The following ZNF536 variants were observed in gnomAD, a reference collection of about 807,000 sequenced individuals.
The protein encoded by ZNF536 is zinc finger protein 536.
A neutral mutation model predicts 84.5 loss-of-function variants in ZNF536; 13 were observed. The ratio of observed to expected loss-of-function variants is 0.15; its 90% CI spans 0.10 to 0.24. The LOEUF is 0.24. Ranked by LOEUF, ZNF536 falls within the 10% of genes least tolerant of loss-of-function variation. The pLI, the probability that ZNF536 is intolerant of heterozygous loss-of-function variation, is 1.00. For synonymous variants in ZNF536, 811 were observed against 742.5 expected, an observed-to-expected ratio of 1.09 and a Z score of -1.50; for missense variants, 1,536 against 1,747.5, an observed-to-expected ratio of 0.88 and a Z score of 2.16.
At chr19:30,261,429 T>C (rs991688922) in intron 1 of ZNF536, among the ~76,000 whole-genome samples, 2 of 151,544 alleles carry the variant, frequency 1.3e-5, no homozygotes, top group Non-Finnish European at 2.9e-5. Context: ...CGGTGGCTCA[T>C]GCCTGTAGGT....
At position 30,548,783 on chromosome 19, in the gene ZNF536, C is replaced by T. The variant is rs778040780; in HGVS notation, c.3164C>T (p.Pro1055Leu). Residue 1055 changes from proline (P) to leucine (L), a missense_variant, in exon 4 of 5, where the codon CCC (proline) becomes CTC (leucine). Around this residue, in one of 8 missense-constraint regions of ZNF536, gnomAD observed 624 missense variants for 603.1 expected, o/e 1.03. Transcript: ENST00000355537. ...GAGGCGAGTAAGATGGCCCTGCTGC[C>T]CTCGTTACAATCAAACAAAGACCTG... ...AREASKMALL[P>L]SLQSNKDLGL... is the part of the protein sequence containing the mutation. The T allele has an allele frequency of 6.2e-7, 1 of 1,613,774 alleles. No individual in the cohort carries two copies. The highest frequency in any genetic ancestry group is 1.3e-5 in the African/African-American group (1 of 74,920).
intron 2 of ZNF536, among the ~76,000 whole-genome samples, chr19:30,477,213 T>C (rs984861989): frequency 1.3e-5 from 2 of 152,224 alleles, no homozygotes; most frequent in Non-Finnish European, 2.9e-5. Context: ...CTTATGTATT[T>C]AACTATTTGG....
Position 30,436,079 on chromosome 19 carries a change from A to G in ZNF536, c.-2-7482A>G, listed in dbSNP as rs577089746. ...TGGAAGCTGCCTGGGGCTCCATGGG[A>G]CCACATATTAAGCCAGCCCAGCCAA... On this transcript the variant is annotated intron_variant, in intron 1 of 4. Transcript: ENST00000355537. Among the ~76,000 whole-genome samples the G allele has an allele frequency of 4.2e-3, 642 of 152,252 alleles. 5 individuals are homozygous for G. The highest frequency in any genetic ancestry group is 0.015 in the African/African-American group (614 of 41,550).
At chr19:30,229,480 G>C (rs2022850524) in intron 1 of ZNF536, among the ~76,000 whole-genome samples, 1 of 152,178 alleles carries the variant, frequency 6.6e-6, no homozygotes, top group South Asian at 2.1e-4. Flanking sequence ...GATTTGCTTG[G>C]GGGAAGACTA....
intron 1 of ZNF536, among the ~76,000 whole-genome samples, chr19:30,410,595 C>T (rs2050446426): frequency 6.6e-6 from 1 of 151,698 alleles, no homozygotes. Flanking sequence ...CTGCCTCAGC[C>T]TCCCGCGTAG....
intron 1 of ZNF536, among the ~76,000 whole-genome samples, chr19:30,565,102 T>C (rs1469337488): frequency 3.3e-5 from 5 of 152,142 alleles, no homozygotes; most frequent in African/African-American, 1.2e-4. Context: ...GGTGACCATC[T>C]GCTCCTCTTT....
At chr19:30,352,380 C>T (rs995727163) in exon 3 of ZNF536, 1 of 152,240 alleles carries the variant, frequency 6.6e-6, no homozygotes, top group African/African-American at 2.4e-5. Flanking sequence ...AACGGGGACG[C>T]CCCCTCTTGC....
At chr19:30,397,119 A>G (rs1284215013) in intron 1 of ZNF536, among the ~76,000 whole-genome samples, 1 of 152,166 alleles carries the variant, frequency 6.6e-6, no homozygotes, top group Admixed American at 6.5e-5. Flanking sequence ...TGGGGTGACA[A>G]TGGTTGTGGC....
chr19:30,228,060 G>T (rs754016532), upstream of ZNF536, among the ~76,000 whole-genome samples: 15 of 151,998 alleles, frequency 9.9e-5, no homozygotes, highest in Non-Finnish European at 1.8e-4. The surrounding 1 kb of genome is among the most constrained non-coding windows in gnomAD (Gnocchi z 4.5). Context: ...GTGTATGTGC[G>T]TGCGTGTGTG....
At chr19:30,532,739 A>T (rs1319921600) in intron 2 of ZNF536, among the ~76,000 whole-genome samples, 1 of 152,186 alleles carries the variant, frequency 6.6e-6, no homozygotes, top group East Asian at 1.9e-4. Flanking sequence ...CCACTGTCTA[A>T]AGCTAGGGTA....
At chr19:30,523,421 G>A (rs2044447282) in intron 2 of ZNF536, among the ~76,000 whole-genome samples, 1 of 152,148 alleles carries the variant, frequency 6.6e-6, no homozygotes, top group African/African-American at 2.4e-5. Flanking sequence ...CCTCAGAGAG[G>A]TTATGTAATT....
At chr19:30,234,332 G>C (rs1048198491) in intron 1 of ZNF536, among the ~76,000 whole-genome samples, 2 of 151,232 alleles carry the variant, frequency 1.3e-5, no homozygotes, top group Admixed American at 6.6e-5. Context: ...TCTTCAGCTG[G>C]ATGCTGGGAG....
Position 30,387,733 on chromosome 19 carries a change from G to A in ZNF536, c.-3+15177G>A, listed in dbSNP as rs538019212. Among the ~76,000 whole-genome samples, 21 of 152,318 alleles carry A rather than the reference G, an allele frequency of 1.4e-4. No individual in the cohort carries two copies. The East Asian group carries it at 2.9e-3, about 21-fold the overall frequency. On this transcript the variant is annotated intron_variant, in intron 1 of 4. Coordinates refer to ENST00000355537, the MANE Select transcript of ZNF536 (RefSeq NM_014717.3). Reference sequence around the variant, plus strand: ...GGAATATGTGGTCCTTGTCCCCAGGGGACCTGGCTGGAAGGCAGGGCCCTC... The same window carrying A: ...GGAATATGTGGTCCTTGTCCCCAGGAGACCTGGCTGGAAGGCAGGGCCCTC...
rs562093531 is a variant in ZNF536, at chr19:30,515,513, G to T, written c.2171-19334G>T. Among the ~76,000 whole-genome samples, 7 of 152,246 alleles carry T rather than the reference G, an allele frequency of 4.6e-5. No homozygotes were observed. In the South Asian group the frequency reaches 1.5e-3, roughly 32 times the overall value. ...AACCTGAATCATCCTCATGGGAAGT[G>T]TCCCGTGCTGTTAGGACAGAGTAGG... On this transcript the variant is annotated intron_variant, in intron 2 of 4. Coordinates refer to ENST00000355537, the MANE Select transcript of ZNF536 (RefSeq NM_014717.3).
At chr19:30,560,830 G>A (rs1288138493), downstream of ZNF536, among the ~76,000 whole-genome samples, 4 of 152,232 alleles carry the variant, frequency 2.6e-5, no homozygotes, top group African/African-American at 7.2e-5. Context: ...GAAACTTCGC[G>A]ATGATTAAAT....
At position 30,443,686 on chromosome 19, in the gene ZNF536, C is replaced by G. The variant is rs755182190; in HGVS notation, c.124C>G (p.Gln42Glu). 1 of 1,613,940 alleles carries G rather than the reference C, an allele frequency of 6.2e-7. No homozygotes were observed. The highest frequency in any genetic ancestry group is 1.1e-5 in the South Asian group (1 of 91,044). The stretch of plus-strand genomic sequence containing the variant: ...TCAGAAGCTGCACCAGATCACCTCC[C>G]AGCTCAGCCATGCCTTCCCCGAGCT... ...MSQKLHQITS[Q>E]LSHAFPELHP... The change falls in exon 2 of 5, where the codon CAG becomes GAG. Residue 42 changes from glutamine to glutamate, a missense_variant. By Grantham distance (29) the Gln-to-Glu change is conservative. Coordinates refer to ENST00000355537, the MANE Select transcript of ZNF536 (RefSeq NM_014717.3).
At chr19:30,234,782 C>T (rs1460659743) in intron 1 of ZNF536, among the ~76,000 whole-genome samples, 3 of 151,872 alleles carry the variant, frequency 2.0e-5, no homozygotes, top group African/African-American at 7.3e-5. Flanking sequence ...CACGCGCACA[C>T]GCACCCCACA....
intron 1 of ZNF536, among the ~76,000 whole-genome samples, chr19:30,662,962 CTTTTTT>C (rs951081577): frequency 4.4e-4 from 35 of 78,754 alleles, no homozygotes; most frequent in African/African-American, 1.6e-3. Flanking sequence ...TTTTTCGTTT[CTTTTTT>C]TTTTTTTTTT....
chr19:30,573,467 C>A (rs2046623123), intron 1 of ZNF536, among the ~76,000 whole-genome samples: 1 of 152,100 alleles, frequency 6.6e-6, no homozygotes, highest in African/African-American at 2.4e-5. Context: ...CTAGGGGAGG[C>A]ATCATAACTC....
Sources: allele counts gnomAD v4.1 joint callset (sites outside exome capture counted in the v4.1 genomes callset), GRCh38; gene constraint gnomAD v4.1.1; regional missense constraint gnomAD v4.1.1; non-coding constraint Gnocchi (gnomAD v3.1); transcripts MANE v1.5; gene names NCBI Gene and HGNC (gene_info 2026-07-23, HGNC 2026-07-21).